FGFRL1: variants seen among roughly 807,000 people sequenced by gnomAD.
FGFRL1 encodes fibroblast growth factor receptor-like 1.
A neutral mutation model predicts 36.8 loss-of-function variants in FGFRL1; 24 were observed. The ratio of observed to expected loss-of-function variants is 0.65; its 90% CI spans 0.47 to 0.92. FGFRL1 has a LOEUF of 0.92. FGFRL1 is among the 40% of genes least tolerant of loss of function. The probability of loss-of-function intolerance (pLI) is 0.00; values close to 1 mark genes in which losing one functional copy is unlikely to be tolerated. For missense variants in FGFRL1, 785 were observed against 753.4 expected (o/e 1.04, Z -0.49); for synonymous variants, 422 against 344.1 (o/e 1.23, Z -2.50).
At chr4:1,011,585 CG>C (rs1469821979), upstream of FGFRL1, among the ~76,000 whole-genome samples, 2 of 14,982 alleles carry the variant, frequency 1.3e-4, no homozygotes, top group Non-Finnish European at 2.4e-4. Flanking sequence ...GAAGTTGTGC[CG>C]GGGGCGGGTC....
chr4:1,011,458 C>G (rs1715576549), upstream of FGFRL1, among the ~76,000 whole-genome samples: 2 of 144,858 alleles, frequency 1.4e-5, no homozygotes, highest in African/African-American at 5.0e-5. Flanking sequence ...GACGTCCGCA[C>G]CGCGAGGGTT....
At chr4:1,016,783 T>G (rs1387058756) in intron 2 of FGFRL1, among the ~76,000 whole-genome samples, 2 of 152,184 alleles carry the variant, frequency 1.3e-5, no homozygotes, top group Non-Finnish European at 1.5e-5. Flanking sequence ...GGGCAGAGCC[T>G]GGCCCTGGCA....
Position 1,012,439 on chromosome 4 carries a change from G to A in FGFRL1, c.-16-31G>A, listed in dbSNP as rs1271974091. 8 of 1,573,370 alleles carry A rather than the reference G, an allele frequency of 5.1e-6. No individual in the cohort carries two copies. The African/African-American group carries it at 5.6e-5, about 11-fold the overall frequency. ...GGAGGGCGGTATCTCCCAGTTCCAC[G>A]TGTTAGTGACGGCGCCCCCAATGTC... On this transcript the variant is annotated intron_variant, in intron 1 of 6. Coordinates refer to ENST00000510644, the MANE Select transcript of FGFRL1 (RefSeq NM_001004356.3).
In FGFRL1 at chr4:1,024,376, G is replaced by A; in HGVS notation, c.784G>A (p.Gly262Arg). Residue 262 changes from glycine to arginine, a missense_variant, in exon 6 of 7, where the codon GGG becomes AGG. Physicochemically the swap from Gly to Arg is moderately radical, Grantham distance 125. Transcript: ENST00000510644. ...HPVNTTVDFG[G>R]TTSFQCKVRS... is the part of the protein sequence containing the mutation. ...CGTGAACACGACGGTGGACTTCGGG[G>A]GGACCACGTCCTTCCAGTGCAAGGT... 1.2e-6 allele frequency: 2 copies of A among 1,612,444 alleles called. No homozygotes were observed. The highest frequency in any genetic ancestry group is 1.1e-5 in the South Asian group (1 of 91,062).
At position 1,016,940 on chromosome 4, in the gene FGFRL1, G is replaced by T. The variant is rs528624780; in HGVS notation, c.79+4376G>T. Among the ~76,000 whole-genome samples the T allele has an allele frequency of 3.3e-5, 5 of 152,278 alleles. No individual in the cohort carries two copies. In the East Asian group the frequency reaches 9.7e-4, roughly 29 times the overall value. The stretch of plus-strand genomic sequence containing the variant: ...CACTCCTGCCCTGGGTGCCCCTGGG[G>T]GCCTGGCACAGCCACATAGCGGCCA... On this transcript the variant is annotated intron_variant, in intron 2 of 6. Coordinates refer to ENST00000510644, the MANE Select transcript of FGFRL1 (RefSeq NM_001004356.3).
In FGFRL1 at chr4:1,023,745, G is replaced by A. The variant is rs1394485522; in HGVS notation, c.433+24G>A. On this transcript the variant is annotated intron_variant, in intron 4 of 6. Transcript: ENST00000510644. The surrounding 1 kb of genome is among the most constrained non-coding windows in gnomAD (Gnocchi z 6.0). ...GGGTGAGCAGGGGGTGACGGGGGTG[G>A]GGGGCGTCCGTCTGTCCCGGCCCCT... The A allele has an allele frequency of 1.3e-6, 2 of 1,549,880 alleles. No individual in the cohort carries two copies. The highest frequency in any genetic ancestry group is 2.3e-5 in the East Asian group (1 of 42,618).
rs1309564702 is a variant in FGFRL1 at position 1,012,477 on chromosome 4, C to T, written c.-9C>T. 1.3e-6 allele frequency: 2 copies of T among 1,576,168 alleles called. No individual in the cohort carries two copies. The highest frequency in any genetic ancestry group is 2.8e-5 in the African/African-American group (2 of 71,350). On this transcript the variant is annotated 5_prime_UTR_variant, in exon 2 of 7. Transcript: ENST00000510644. ...CGCCCCCAATGTCCCCAGGTCCGGA[C>T]AGGCCGAGATGACGCCGAGCCCCCT...
chr4:1,019,417 G>A (rs1338330851), intron 2 of FGFRL1, among the ~76,000 whole-genome samples: 1 of 152,236 alleles, frequency 6.6e-6, no homozygotes, highest in East Asian at 1.9e-4. Context: ...CAGGCTGTGG[G>A]CCACAGGGGC....
chr4:1,025,939 A>T lies in FGFRL1; in HGVS notation c.*592A>T, dbSNP rs547820432. ...ACACATGCAGATATGCTGCCTGGAC[A>T]CACACTTCCAGACACACGTGCACAG... On this transcript the variant is annotated 3_prime_UTR_variant, in exon 7 of 7. Coordinates refer to ENST00000510644, the MANE Select transcript of FGFRL1 (RefSeq NM_001004356.3). 6.1e-6 allele frequency: 1 copy of T among 162,934 alleles called. No individual in the cohort carries two copies. Among genetic ancestry groups the T allele is most frequent in the Admixed American group, 6.0e-5 (1 of 16,552 alleles). 10.1% of individuals were successfully genotyped at this position (162,934 alleles called of 1,614,324 possible). A position where few individuals can be genotyped will look rare whatever the true frequency, so the allele number is the denominator to read the frequency against.
Position 1,023,959 on chromosome 4 carries a change from G to C in FGFRL1, c.576G>C (p.Thr192=), listed in dbSNP as rs199798050. ...GGATGAAGGACGACCAGGCCTTGAC[G>C]CGCCCAGAGGCCGCTGAGCCCAGGA... ...ITWMKDDQAL[T]RPEAAEPRKK... Residue 192 remains threonine (T), a synonymous_variant, in exon 5 of 7, where the codon ACG becomes ACC. Coordinates refer to ENST00000510644, the MANE Select transcript of FGFRL1 (RefSeq NM_001004356.3). This position sits in a 1 kb window ranked among gnomAD's most constrained non-coding sequence, Gnocchi z 6.0. The C allele has an allele frequency of 3.1e-6, 5 of 1,594,834 alleles. No homozygotes were observed. Among genetic ancestry groups the C allele is most frequent in the Non-Finnish European group, 4.3e-6 (5 of 1,173,570 alleles).
In FGFRL1 at chr4:1,022,194, C is replaced by T. The variant is rs771445990; in HGVS notation, c.80-9C>T. ...CTCCTCGCTGACTGTTCCTCGGTCC[C>T]ACCCGCAGGCCCCCCAAAGATGGCG... On this transcript the variant is annotated splice_polypyrimidine_tract_variant and intron_variant, in intron 2 of 6. Coordinates refer to ENST00000510644, the MANE Select transcript of FGFRL1 (RefSeq NM_001004356.3). 3.2e-5 allele frequency: 48 copies of T among 1,514,838 alleles called. No individual in the cohort carries two copies. The highest frequency in any genetic ancestry group is 3.9e-5 in the Non-Finnish European group (44 of 1,129,954). The allele number at this position is 1,514,838 out of a possible 1,614,324, so 93.8% of individuals were successfully genotyped here. A position where few individuals can be genotyped will look rare whatever the true frequency, so the allele number is the denominator to read the frequency against.
chr4:1,016,463 G>C (rs35220088), intron 2 of FGFRL1, among the ~76,000 whole-genome samples: 46,725 of 152,044 alleles, frequency 0.31, 8,243 homozygotes, highest in South Asian at 0.46. Context: ...CAGGGCGTGG[G>C]ACTGCCTGAT....
At chr4:1,014,871 G>C (rs1019401967) in intron 2 of FGFRL1, among the ~76,000 whole-genome samples, 9 of 152,232 alleles carry the variant, frequency 5.9e-5, no homozygotes, top group Non-Finnish European at 1.0e-4. Context: ...GTCCCCTTGG[G>C]GGGAGGGAGG....
chr4:1,011,106 G>C (rs1447399101), upstream of FGFRL1: 1 of 152,160 alleles, frequency 6.6e-6, no homozygotes, highest in Non-Finnish European at 1.5e-5. Flanking sequence ...ACCCCCCGGG[G>C]CGCAGACCTG....
At chr4:1,024,841 G>T in intron 6 of FGFRL1, 64 bp from the exon 7 acceptor site, 2 of 1,504,374 alleles carry the variant, frequency 1.3e-6, no homozygotes, top group East Asian at 2.3e-5. Flanking sequence ...GATGGGTCTG[G>T]GGTGCTCTCC....
intron 2 of FGFRL1, among the ~76,000 whole-genome samples, chr4:1,013,834 C>G (rs925657349): frequency 6.6e-5 from 10 of 152,288 alleles, no homozygotes; most frequent in African/African-American, 2.4e-4. Context: ...CCCGCCTCTT[C>G]GTGGAGACGC....
chr4:1,020,540 C>T (rs945154619), intron 2 of FGFRL1, among the ~76,000 whole-genome samples: 2 of 150,588 alleles, frequency 1.3e-5, no homozygotes, highest in South Asian at 4.2e-4. Flanking sequence ...CTTGGCACTG[C>T]CCACTGGGGC....
chr4:1,010,258 C>G (rs1211564643), upstream of FGFRL1: 7 of 152,270 alleles, frequency 4.6e-5, no homozygotes, highest in Admixed American at 3.9e-4. Flanking sequence ...CGCGGCGGTC[C>G]CTGGACCCTT....
At chr4:1,014,712 C>T (rs535115521) in intron 2 of FGFRL1, among the ~76,000 whole-genome samples, 1 of 152,242 alleles carries the variant, frequency 6.6e-6, no homozygotes, top group East Asian at 1.9e-4. Flanking sequence ...CTCCCTCGCC[C>T]CAGGCCCTTC....
Sources: allele counts gnomAD v4.1 joint callset (sites outside exome capture counted in the v4.1 genomes callset), GRCh38; gene constraint gnomAD v4.1.1; non-coding constraint Gnocchi (gnomAD v3.1); transcripts MANE v1.5; gene names NCBI Gene and HGNC (gene_info 2026-07-23, HGNC 2026-07-21).